The following AUTS2 variants were observed in gnomAD, a reference collection of about 807,000 sequenced individuals.
The protein encoded by AUTS2 is autism susceptibility gene 2 protein.
A neutral mutation model predicts 112.4 loss-of-function variants in AUTS2; 17 were observed. The observed-to-expected ratio is 0.15, with a 90% confidence interval of 0.10 to 0.23. The LOEUF (loss-of-function observed/expected upper bound fraction) is 0.23. Ranked by LOEUF, AUTS2 falls within the 10% of genes least tolerant of loss-of-function variation. AUTS2 has a pLI of 1.00. For synonymous variants in AUTS2, 751 were observed against 702.7 expected (o/e 1.07, Z -1.09); for missense variants, 1,510 against 1,701.6 (o/e 0.89, Z 1.98).
intron 4 of AUTS2, among the ~76,000 whole-genome samples, chr7:70,274,274 T>C (rs1387955001): frequency 6.6e-6 from 1 of 152,148 alleles, no homozygotes; most frequent in Admixed American, 6.6e-5. Context: ...TAAAAGGGCT[T>C]CTTTATTTTA....
chr7:70,467,052 A>G (rs1365043970), intron 5 of AUTS2, among the ~76,000 whole-genome samples: 3 of 152,246 alleles, frequency 2.0e-5, no homozygotes, highest in African/African-American at 7.2e-5. Flanking sequence ...ACAATTATCT[A>G]CTTCCTAGGT....
intron 2 of AUTS2, among the ~76,000 whole-genome samples, chr7:69,903,431 A>G (rs538544246): frequency 1.3e-5 from 2 of 152,348 alleles, no homozygotes; most frequent in African/African-American, 2.4e-5. Flanking sequence ...TTTTAAAAAT[A>G]GAGTACCAAT....
At chr7:70,032,743 G>A (rs979247418) in intron 2 of AUTS2, among the ~76,000 whole-genome samples, 4 of 152,070 alleles carry the variant, frequency 2.6e-5, no homozygotes, top group African/African-American at 9.7e-5. Context: ...GTGGGCTTCA[G>A]ACCCTTTCAT....
chr7:69,783,627 A>G (rs1476741633), intron 1 of AUTS2, among the ~76,000 whole-genome samples: 1 of 152,176 alleles, frequency 6.6e-6, no homozygotes. Context: ...GTGAAATAAA[A>G]TGAGGGCAAA....
intron 2 of AUTS2, among the ~76,000 whole-genome samples, chr7:69,948,157 C>A (rs1014143988): frequency 6.6e-6 from 1 of 152,160 alleles, no homozygotes; most frequent in African/African-American, 2.4e-5. Flanking sequence ...AGCCCAGTTG[C>A]TAATCTTTAT....
intron 5 of AUTS2, among the ~76,000 whole-genome samples, chr7:70,653,641 C>T (rs1490461888): frequency 6.6e-6 from 1 of 152,212 alleles, no homozygotes; most frequent in African/African-American, 2.4e-5. Context: ...GCCAAGGTTG[C>T]ATCTTTAGTA....
At chr7:70,294,468 T>A (rs1474237002) in intron 4 of AUTS2, among the ~76,000 whole-genome samples, 1 of 152,238 alleles carries the variant, frequency 6.6e-6, no homozygotes, top group Non-Finnish European at 1.5e-5. Flanking sequence ...TAGGGAATTT[T>A]CAGTAGGCTT....
At chr7:70,096,560 T>C (rs983087058) in intron 2 of AUTS2, among the ~76,000 whole-genome samples, 91 of 144,652 alleles carry the variant, frequency 6.3e-4, no homozygotes, top group African/African-American at 2.4e-3. Context: ...GATCGCGCCA[T>C]TGCACTCCAG....
At chr7:69,616,966 C>T (rs1049353597) in intron 1 of AUTS2, among the ~76,000 whole-genome samples, 3 of 152,046 alleles carry the variant, frequency 2.0e-5, no homozygotes, top group African/African-American at 7.3e-5. Context: ...AGGCAGTACT[C>T]CAGGCACAGG....
chr7:70,666,403 A>T (rs1194841845), intron 5 of AUTS2, among the ~76,000 whole-genome samples: 2 of 152,282 alleles, frequency 1.3e-5, no homozygotes, highest in African/African-American at 4.8e-5. Flanking sequence ...AGTAGAAGAG[A>T]AATCGGTTCT....
chr7:69,676,311 C>G (rs1796560639), intron 1 of AUTS2, among the ~76,000 whole-genome samples: 1 of 152,178 alleles, frequency 6.6e-6, no homozygotes, highest in Non-Finnish European at 1.5e-5. Context: ...AAACCTGTAT[C>G]CTGGGATGTT....
intron 4 of AUTS2, among the ~76,000 whole-genome samples, chr7:70,347,127 GTC>G (rs1791532280): frequency 1.3e-5 from 2 of 152,122 alleles, no homozygotes; most frequent in African/African-American, 2.4e-5. Flanking sequence ...CGTTTACACT[GTC>G]TCTTCTTCCT....
intron 5 of AUTS2, among the ~76,000 whole-genome samples, chr7:70,582,182 G>A (rs1802482392): frequency 6.6e-6 from 1 of 152,014 alleles, no homozygotes; most frequent in Non-Finnish European, 1.5e-5. Context: ...TATGAAGTTG[G>A]GGGTTTTCTT....
intron 2 of AUTS2, among the ~76,000 whole-genome samples, chr7:70,045,600 A>ATATTT (rs1208850002): frequency 2.7e-4 from 40 of 150,492 alleles, no homozygotes; most frequent in Non-Finnish European, 5.2e-4. Context: ...TTATTATATT[A>ATATTT]TATTTTATTT....
At chr7:70,095,273 TGC>T (rs1447460955) in intron 2 of AUTS2, among the ~76,000 whole-genome samples, 2 of 152,136 alleles carry the variant, frequency 1.3e-5, no homozygotes, top group African/African-American at 4.8e-5. Context: ...TGTGTGTGTG[TGC>T]GTGCGTGCGC....
intron 5 of AUTS2, among the ~76,000 whole-genome samples, chr7:70,470,555 C>G (rs1272230003): frequency 6.6e-6 from 1 of 152,192 alleles, no homozygotes; most frequent in East Asian, 1.9e-4. Context: ...TAAACATGGA[C>G]TGGGCCCACG....
intron 2 of AUTS2, among the ~76,000 whole-genome samples, chr7:69,914,414 A>G (rs1476857461): frequency 6.6e-6 from 1 of 150,472 alleles, no homozygotes; most frequent in Non-Finnish European, 1.5e-5. Context: ...AGACCCCAAT[A>G]CAGTATGACT....
intron 18 of AUTS2, among the ~76,000 whole-genome samples, chr7:70,788,720 C>G (rs1053953307): frequency 2.0e-5 from 3 of 152,208 alleles, no homozygotes; most frequent in African/African-American, 7.2e-5. Flanking sequence ...TTCTTCTCTG[C>G]ATGTGGGCAA....
At position 70,021,471 on chromosome 7, in the gene AUTS2, G is replaced by A. The variant is rs888502709; in HGVS notation, c.523-96661G>A. Among the ~76,000 whole-genome samples, 4 of 152,144 alleles carry A rather than the reference G, an allele frequency of 2.6e-5. No individual in the cohort carries two copies. The East Asian group carries it at 5.8e-4, about 22-fold the overall frequency. On this transcript the variant is annotated intron_variant, in intron 2 of 18. Coordinates refer to ENST00000342771, the MANE Select transcript of AUTS2 (RefSeq NM_015570.4). Reference sequence around the variant, plus strand: ...GAAAGGGACTAGCTGGGTTGAAGAGGCCCCATCTGCTATTCCAGATGGGGC... The same window carrying A: ...GAAAGGGACTAGCTGGGTTGAAGAGACCCCATCTGCTATTCCAGATGGGGC...
Sources: gnomAD v4.1 joint callset for allele counts (sites outside exome capture counted in the v4.1 genomes callset) on GRCh38, gnomAD v4.1.1 for gene constraint, MANE v1.5 for transcripts, NCBI Gene and HGNC (gene_info 2026-07-23, HGNC 2026-07-21) for gene names.